The following HNF1A variants were observed in gnomAD, a reference collection of about 807,000 sequenced individuals.
HNF1A encodes the protein HNF1 homeobox A, also known as hepatocyte nuclear factor 1-alpha.
In HNF1A, 21 loss-of-function variants were observed where a neutral mutation model predicts 62.2. That is an observed-to-expected ratio of 0.34 (90% CI 0.24 to 0.49). The LOEUF is 0.49. Ranked by LOEUF, HNF1A falls within the 20% of genes least tolerant of loss-of-function variation. The pLI is 0.99. For missense variants in HNF1A, 687 were observed against 832.3 expected, an observed-to-expected ratio of 0.83 and a Z score of 2.15; for synonymous variants, 374 against 366.8, an observed-to-expected ratio of 1.02 and a Z score of -0.22.
Position 120,999,551 on chromosome 12 carries a change from C to G in HNF1A, c.1692C>G (p.Thr564=). Reference sequence around the variant, plus strand: ...ACACGCCGGCATCTCAGGCCACCACCCTCCACGTCCCCAGCCAGGACCCTG... The same window carrying G: ...ACACGCCGGCATCTCAGGCCACCACGCTCCACGTCCCCAGCCAGGACCCTG... ...GLHTPASQAT[T]LHVPSQDPAS... The change falls in exon 9 of 10, where the codon ACC becomes ACG. Residue 564 remains threonine (T), a synonymous_variant. Coordinates refer to ENST00000257555, the MANE Select transcript of HNF1A (RefSeq NM_000545.8). The G allele has an allele frequency of 6.2e-7, 1 of 1,613,042 alleles. No individual in the cohort carries two copies. The highest frequency in any genetic ancestry group is 8.5e-7 in the Non-Finnish European group (1 of 1,179,822).
chr12:120,978,869 G>A lies in HNF1A; in HGVS notation c.101G>A (p.Gly34Glu), dbSNP rs1408569103. 1.9e-6 allele frequency: 3 copies of A among 1,613,446 alleles called. No homozygotes were observed. The highest frequency in any genetic ancestry group is 2.2e-5 in the East Asian group (1 of 44,862). ...EALIQALGEP[G>E]PYLLAGEGPL... ...CTGATCCAGGCACTGGGTGAGCCGG[G>A]GCCCTACCTCCTGGCTGGAGAAGGC... is the stretch of plus-strand genomic sequence containing the variant. Residue 34 changes from glycine (G) to glutamate (E), a missense_variant, in exon 1 of 10, where the codon GGG (glycine) becomes GAG (glutamate). Gly to Glu is a moderately conservative substitution (Grantham distance 98). Around this residue, in one of 5 missense-constraint regions of HNF1A, gnomAD observed 159 missense variants for 154.4 expected, o/e 1.03. Transcript: ENST00000257555.
At position 120,999,616 on chromosome 12, in the gene HNF1A, C is replaced by A. The variant is rs1368575250; in HGVS notation, c.1757C>A (p.Ala586Asp). The change falls in exon 9 of 10, where the codon GCC (alanine) becomes GAC (aspartate). Residue 586 changes from alanine (A) to aspartate (D), a missense_variant. Ala to Asp is a moderately radical substitution (Grantham distance 126, BLOSUM62 -2). Coordinates refer to ENST00000257555, the MANE Select transcript of HNF1A (RefSeq NM_000545.8). Reference protein sequence around the residue: ...QHLQPAHRLSASPTVSSSSLV... With the variant: ...QHLQPAHRLSDSPTVSSSSLV... ...CTGCAGCCGGCCCACCGGCTCAGCG[C>A]CAGCCCCACAGGTGAGAGGCCCTGG... 9 of 1,610,698 alleles carry A rather than the reference C, an allele frequency of 5.6e-6. No homozygotes were observed. The highest frequency in any genetic ancestry group is 2.2e-5 in the South Asian group (2 of 90,940).
chr12:120,990,331 C>T (rs879291470), intron 2 of HNF1A, among the ~76,000 whole-genome samples: 154 of 151,680 alleles, frequency 1.0e-3, no homozygotes, highest in Non-Finnish European at 1.8e-3. Context: ...TTAGTAGAGT[C>T]GGGGTTTCAC....
chr12:121,000,982 C>T lies in HNF1A; in HGVS notation c.1769-83C>T. Reference sequence around the variant, plus strand: ...TCCAGGAGGTGTGGCCCTGCCTCCCCATCCTGAGTACCCCTAGGGACAGGC... The same window carrying T: ...TCCAGGAGGTGTGGCCCTGCCTCCCTATCCTGAGTACCCCTAGGGACAGGC... On this transcript the variant is annotated intron_variant, in intron 9 of 9. Transcript: ENST00000257555. 6.3e-6 allele frequency: 10 copies of T among 1,584,640 alleles called. No homozygotes were observed. In the South Asian group the frequency reaches 1.1e-4, roughly 18 times the overall value.
rs1166992434 is a variant in HNF1A at position 120,979,112 on chromosome 12, G to C, written c.326+18G>C. The C allele has an allele frequency of 6.3e-7, 1 of 1,594,770 alleles. No individual in the cohort carries two copies. The highest frequency in any genetic ancestry group is 8.5e-7 in the Non-Finnish European group (1 of 1,170,754). On this transcript the variant is annotated intron_variant, in intron 1 of 9. Transcript: ENST00000257555. The stretch of plus-strand genomic sequence containing the variant: ...CTTCTGCAGTAAGGAGCCCTGCCCC[G>C]TCCCCGCTCCCAGGAGAGCCTAGAG...
Position 121,001,302 on chromosome 12 carries a change from G to A in HNF1A, c.*110G>A. On this transcript the variant is annotated 3_prime_UTR_variant, in exon 10 of 10. Transcript: ENST00000257555. ...CTGCCGAGCAACCGTGGCCCTTCCTGGACAGCTGTGCCTCGCTCCCCACTC... is the reference window on the plus strand; with the variant it reads ...CTGCCGAGCAACCGTGGCCCTTCCTAGACAGCTGTGCCTCGCTCCCCACTC... 3 of 1,337,902 alleles carry A rather than the reference G, an allele frequency of 2.2e-6. No homozygotes were observed. The highest frequency in any genetic ancestry group is 2.1e-6 in the Non-Finnish European group (2 of 960,842). The allele number at this position is 1,337,902 out of a possible 1,614,324, so 82.9% of individuals were successfully genotyped here. A position where few individuals can be genotyped will look rare whatever the true frequency, so the allele number is the denominator to read the frequency against.
At chr12:120,981,711 C>A (rs1054085758) in intron 1 of HNF1A, among the ~76,000 whole-genome samples, 1 of 152,216 alleles carries the variant, frequency 6.6e-6, no homozygotes, top group Non-Finnish European at 1.5e-5. Flanking sequence ...GCCCCACCCC[C>A]GTCACTCTCT....
In HNF1A at chr12:120,999,518, C is replaced by T. The variant is rs780892177; in HGVS notation, c.1659C>T (p.Ser553=). Residue 553 remains serine (S), a synonymous_variant, in exon 9 of 10, where the codon TCC becomes TCT. Coordinates refer to ENST00000257555, the MANE Select transcript of HNF1A (RefSeq NM_000545.8). ...FTSDTEASSE[S]GLHTPASQAT... is the part of the protein sequence containing the mutation. ...CAGACACTGAGGCCTCCAGTGAGTC[C>T]GGGCTTCACACGCCGGCATCTCAGG... is the stretch of plus-strand genomic sequence containing the variant. 7.4e-6 allele frequency: 12 copies of T among 1,613,542 alleles called. No individual in the cohort carries two copies. The South Asian group carries it at 7.7e-5, about 10-fold the overall frequency.
intron 2 of HNF1A, among the ~76,000 whole-genome samples, chr12:120,989,383 G>C (rs1201346630): frequency 2.0e-5 from 3 of 152,040 alleles, no homozygotes; most frequent in Non-Finnish European, 4.4e-5. Context: ...TCAGCCTCCG[G>C]AATAGCTGGG....
Position 120,997,736 on chromosome 12 carries a change from G to T in HNF1A, c.1501+71G>T, listed in dbSNP as rs765643717. 8.8e-6 allele frequency: 13 copies of T among 1,485,214 alleles called. No individual in the cohort carries two copies. The Admixed American group carries it at 2.1e-4, about 24-fold the overall frequency. The allele number at this position is 1,485,214 out of a possible 1,614,324, so 92.0% of individuals were successfully genotyped here. On this transcript the variant is annotated intron_variant, in intron 7 of 9. Transcript: ENST00000257555. Reference sequence around the variant, plus strand: ...GGCTGTCAATGGATGCAGGGGAAAGGGGTGCCTGGCAGGCATTGCAGTCTG... The same window carrying T: ...GGCTGTCAATGGATGCAGGGGAAAGTGGTGCCTGGCAGGCATTGCAGTCTG...
At chr12:120,998,012 G>T in intron 7 of HNF1A, 1 of 566,300 alleles carries the variant, frequency 1.8e-6, no homozygotes, top group Non-Finnish European at 3.2e-6. Context: ...AGGCGTGGTG[G>T]CTCATGCCTG....
At chr12:120,979,546 G>C (rs1876142123) in intron 1 of HNF1A, 1 of 178,164 alleles carries the variant, frequency 5.6e-6, no homozygotes, top group African/African-American at 2.4e-5. Context: ...CCGAAGCTGG[G>C]GTTTGGGGGC....
At chr12:120,997,871 G>C (rs1159531235) in intron 7 of HNF1A, 1 of 712,806 alleles carries the variant, frequency 1.4e-6, no homozygotes, top group Admixed American at 2.0e-5. Flanking sequence ...TGTGTGAGCA[G>C]ATCCCTAGTG....
In HNF1A at chr12:120,999,521, G is replaced by A. The variant is rs2135851269; in HGVS notation, c.1662G>A (p.Gly554=). ...ACACTGAGGCCTCCAGTGAGTCCGG[G>A]CTTCACACGCCGGCATCTCAGGCCA... ...TSDTEASSES[G]LHTPASQATT... is the part of the protein sequence containing the mutation. The change falls in exon 9 of 10, where the codon GGG becomes GGA. Residue 554 remains glycine (G), a synonymous_variant. Coordinates refer to ENST00000257555, the MANE Select transcript of HNF1A (RefSeq NM_000545.8). 6.2e-7 allele frequency: 1 copy of A among 1,613,496 alleles called. No homozygotes were observed.
At chr12:120,979,151 C>T in intron 1 of HNF1A, 57 bp downstream of exon 1, 1 of 1,469,872 alleles carries the variant, frequency 6.8e-7, no homozygotes, top group African/African-American at 1.4e-5. Flanking sequence ...CCCCCCTCAG[C>T]TCCTAACGAG....
intron 1 of HNF1A, among the ~76,000 whole-genome samples, chr12:120,985,203 C>G (rs1202580396): frequency 6.7e-6 from 1 of 150,042 alleles, no homozygotes; most frequent in Non-Finnish European, 1.5e-5. Flanking sequence ...ACCTTAGCCT[C>G]CTGAGGAGCT....
chr12:120,985,112 A>G (rs1009536499), intron 1 of HNF1A, among the ~76,000 whole-genome samples: 6 of 151,634 alleles, frequency 4.0e-5, no homozygotes, highest in Non-Finnish European at 8.8e-5. Flanking sequence ...CACTTAGCTA[A>G]TTTTTCTATT....
At position 120,996,624 on chromosome 12, in the gene HNF1A, C is replaced by A. The variant is rs2135846102; in HGVS notation, c.1191C>A (p.Asn397Lys). Residue 397 changes from asparagine (N) to lysine (K), a missense_variant, in exon 6 of 10, where the codon AAC becomes AAA. Transcript: ENST00000257555. The surrounding 1 kb of genome is among the most constrained non-coding windows in gnomAD (Gnocchi z 4.5). ...HSLEQTSPGL[N>K]QQPQNLIMAS... ...TGGAGCAGACATCCCCAGGCCTCAA[C>A]CAGCAGCCCCAGAACCTCATCATGG... is the stretch of plus-strand genomic sequence containing the variant. 1 of 1,614,092 alleles carries A rather than the reference C, an allele frequency of 6.2e-7. No homozygotes were observed.
chr12:120,994,555 C>T (rs1460820769), intron 4 of HNF1A, 150 bp downstream of exon 4: 6 of 861,892 alleles, frequency 7.0e-6, no homozygotes, highest in Non-Finnish European at 1.1e-5. Flanking sequence ...TCACTCTGTT[C>T]ATTCATCCAT....
Sources: gnomAD v4.1 joint callset for allele counts (sites outside exome capture counted in the v4.1 genomes callset) on GRCh38, gnomAD v4.1.1 for gene constraint, gnomAD v4.1.1 regional missense constraint, Gnocchi (gnomAD v3.1) non-coding constraint, MANE v1.5 for transcripts, NCBI Gene and HGNC (gene_info 2026-07-23, HGNC 2026-07-21) for gene names.